Variants in SCYL2 observed in about 807,000 individuals in gnomAD.
SCYL2 encodes SCY1-like protein 2.
In SCYL2, 36 loss-of-function variants were observed where a neutral mutation model predicts 100.4. The ratio of observed to expected loss-of-function variants is 0.36; its 90% CI spans 0.27 to 0.47. The LOEUF (loss-of-function observed/expected upper bound fraction) is 0.47, where lower values mean the gene tolerates loss of function less well. Among genes scored for constraint, SCYL2 ranks in the 20% least tolerant of loss-of-function variants. SCYL2 has a pLI of 1.00. For synonymous variants in SCYL2, 330 were observed against 359.2 expected, an observed-to-expected ratio of 0.92 and a Z score of 0.92; for missense variants, 902 against 1,083.9, an observed-to-expected ratio of 0.83 and a Z score of 2.36.
At chr12:100,311,334 T>A in intron 5 of SCYL2, 141 bp downstream of exon 5, 2 of 677,446 alleles carry the variant, frequency 3.0e-6, no homozygotes, top group Non-Finnish European at 4.3e-6. Flanking sequence ...TCATTGCACT[T>A]AAGAGTATTC....
At chr12:100,303,404 G>A (rs2096330116) in intron 4 of SCYL2, among the ~76,000 whole-genome samples, 1 of 152,126 alleles carries the variant, frequency 6.6e-6, no homozygotes, top group Non-Finnish European at 1.5e-5. Flanking sequence ...TTTGGTCTTT[G>A]ATGTCGGTGA....
intron 9 of SCYL2, among the ~76,000 whole-genome samples, chr12:100,316,657 A>C (rs2096349079): frequency 6.6e-6 from 1 of 152,248 alleles, no homozygotes; most frequent in Admixed American, 6.5e-5. Flanking sequence ...CCTGTGAAGC[A>C]GGGTTCCCCC....
At chr12:100,282,235 GACTGATTTTGAACTC>G (rs1195374215) in intron 1 of SCYL2, among the ~76,000 whole-genome samples, 119 of 143,306 alleles carry the variant, frequency 8.3e-4, no homozygotes, top group Admixed American at 1.3e-3. Flanking sequence ...ACATTGGCCA[GACTGATTTTGAACTC>G]CTGGTCTCAA....
At chr12:100,286,514 A>C (rs143787092) in intron 2 of SCYL2, among the ~76,000 whole-genome samples, 11 of 152,212 alleles carry the variant, frequency 7.2e-5, no homozygotes, top group Non-Finnish European at 1.5e-4. Flanking sequence ...GTTGGCTTTA[A>C]AAGTTGTATT....
chr12:100,305,653 C>T (rs2096333340), intron 4 of SCYL2, among the ~76,000 whole-genome samples: 1 of 144,858 alleles, frequency 6.9e-6, no homozygotes, highest in African/African-American at 2.6e-5. Flanking sequence ...AAGATTAGAG[C>T]AGAACCAAAG....
At chr12:100,317,970 T>C (rs774465691) in intron 10 of SCYL2, 45 bp downstream of exon 10, 1 of 1,508,692 alleles carries the variant, frequency 6.6e-7, no homozygotes, top group East Asian at 2.3e-5. Flanking sequence ...TTTTGATTCT[T>C]AAAGCAGAAG....
Position 100,341,537 on chromosome 12 carries a change from G to A in SCYL2, c.*2365G>A, listed in dbSNP as rs542586419. The A allele has an allele frequency of 1.6e-4, 24 of 152,202 alleles. No homozygotes were observed. The highest frequency in any genetic ancestry group is 5.8e-4 in the African/African-American group (24 of 41,546). The allele number at this position is 152,202 out of a possible 1,614,324, so 9.4% of individuals were successfully genotyped here. ...CTATGTACTTGTCTGGTTTTTGTTT[G>A]TTTTTATTTTGGAATGCTTATAAGC... On this transcript the variant is annotated 3_prime_UTR_variant, in exon 18 of 18. Transcript: ENST00000360820.
chr12:100,314,644 T>C (rs767379211), intron 8 of SCYL2, 30 bp downstream of exon 8: 2 of 1,565,146 alleles, frequency 1.3e-6, no homozygotes, highest in Non-Finnish European at 1.7e-6. Context: ...TTATTAATAA[T>C]CAGGATTTTA....
At chr12:100,304,079 G>C (rs538302518) in intron 4 of SCYL2, among the ~76,000 whole-genome samples, 1 of 152,274 alleles carries the variant, frequency 6.6e-6, no homozygotes, top group Non-Finnish European at 1.5e-5. Flanking sequence ...ACCTACTGAA[G>C]CTTCAGTAAT....
rs556342343 is a variant in SCYL2 at position 100,314,545 on chromosome 12, C to T, written c.1026C>T (p.Phe342=). 2.4e-5 allele frequency: 39 copies of T among 1,598,140 alleles called. No homozygotes were observed. In the East Asian group the frequency reaches 7.9e-4, roughly 32 times the overall value. The change falls in exon 8 of 18, where the codon TTC becomes TTT. Residue 342 remains phenylalanine (F), a synonymous_variant. Transcript: ENST00000360820. ...CACTGCAATATTTTGATACCTTATT[C>T]CAAAGAGATAATCTTCAGAAATCAC... ...AVTLQYFDTL[F]QRDNLQKSQF...
chr12:100,278,742 G>C (rs886768042), intron 1 of SCYL2, among the ~76,000 whole-genome samples: 3 of 149,780 alleles, frequency 2.0e-5, no homozygotes, highest in African/African-American at 7.4e-5. Flanking sequence ...CAATTCTTCT[G>C]CCTCAGCCTC....
chr12:100,299,820 C>T (rs78845313), intron 4 of SCYL2, among the ~76,000 whole-genome samples: 2,568 of 152,032 alleles, frequency 0.017, 73 homozygotes, highest in African/African-American at 0.058. Flanking sequence ...CTGCTATGAA[C>T]ATTCATGTAC....
In SCYL2 at chr12:100,341,561, G is replaced by A. The variant is rs1369380560; in HGVS notation, c.*2389G>A. On this transcript the variant is annotated 3_prime_UTR_variant, in exon 18 of 18. Transcript: ENST00000360820. ...TGTTTTTATTTTGGAATGCTTATAA[G>A]CCTCCTTTACACTGAATAAGGAAGT... 2 of 152,092 alleles carry A rather than the reference G, an allele frequency of 1.3e-5. No individual in the cohort carries two copies. Among genetic ancestry groups the A allele is most frequent in the African/African-American group, 4.8e-5 (2 of 41,416 alleles). The allele number at this position is 152,092 out of a possible 1,614,324, so 9.4% of individuals were successfully genotyped here.
Position 100,315,582 on chromosome 12 carries a change from C to T in SCYL2, c.1120C>T (p.Pro374Ser). The T allele has an allele frequency of 6.2e-7, 1 of 1,601,042 alleles. No homozygotes were observed. Among genetic ancestry groups the T allele is most frequent in the Non-Finnish European group, 8.5e-7 (1 of 1,173,772 alleles). ...GCGTGTCATTGTGCAGAGAATTTTGCCTTGTTTGACTTCAGAATTTGTAAA... is the reference window on the plus strand; with the variant it reads ...GCGTGTCATTGTGCAGAGAATTTTGTCTTGTTTGACTTCAGAATTTGTAAA... ...PKRVIVQRIL[P>S]CLTSEFVNPD... Residue 374 changes from proline to serine, a missense_variant, in exon 9 of 18, where the codon CCT becomes TCT. By Grantham distance (74) the Pro-to-Ser change is moderately conservative. Coordinates refer to ENST00000360820, the MANE Select transcript of SCYL2 (RefSeq NM_017988.6).
At chr12:100,280,964 A>G (rs2135822778) in intron 1 of SCYL2, among the ~76,000 whole-genome samples, 1 of 151,742 alleles carries the variant, frequency 6.6e-6, no homozygotes, top group African/African-American at 2.4e-5. Flanking sequence ...AAAATTCTAA[A>G]AATAATCTTC....
At chr12:100,308,487 G>A (rs141767534) in intron 4 of SCYL2, among the ~76,000 whole-genome samples, 5 of 152,140 alleles carry the variant, frequency 3.3e-5, no homozygotes, top group East Asian at 1.9e-4. Flanking sequence ...GGGCCTGTCC[G>A]GGGGTGGGGG....
chr12:100,313,670 A>G, intron 7 of SCYL2, 132 bp downstream of exon 7: 1 of 583,242 alleles, frequency 1.7e-6, no homozygotes, highest in South Asian at 2.2e-5. Context: ...CTAAAGCAAC[A>G]GTCAGATACA....
chr12:100,268,383 T>C (rs1424571001), intron 1 of SCYL2, among the ~76,000 whole-genome samples: 2 of 152,222 alleles, frequency 1.3e-5, no homozygotes, highest in African/African-American at 4.8e-5. Context: ...GAAGATTCCT[T>C]TTGGACTTTG....
intron 8 of SCYL2, 36 bp from the exon 9 acceptor site, chr12:100,315,522 T>C (rs770356250): frequency 6.5e-7 from 1 of 1,545,336 alleles, no homozygotes; most frequent in Non-Finnish European, 8.7e-7. Context: ...TTTAATAAAT[T>C]TTATTTTTTT....
Sources: allele counts gnomAD v4.1 joint callset (sites outside exome capture counted in the v4.1 genomes callset), GRCh38; gene constraint gnomAD v4.1.1; transcripts MANE v1.5; gene names NCBI Gene and HGNC (gene_info 2026-07-23, HGNC 2026-07-21).